Variants in METTL15 observed in about 807,000 individuals in gnomAD.
METTL15 encodes the protein 12S rRNA N(4)-cytidine methyltransferase METTL15.
METTL15 carries 34 observed loss-of-function variants against 38.3 expected under a neutral mutation model. The observed-to-expected ratio is 0.89, with a 90% confidence interval of 0.68 to 1.18. The LOEUF (loss-of-function observed/expected upper bound fraction) is 1.18. METTL15 is among the 50% of genes most tolerant of loss of function. The pLI, the probability that METTL15 is intolerant of heterozygous loss-of-function variation, is 0.00. For synonymous variants in METTL15, 162 were observed against 170.9 expected (o/e 0.95, Z 0.41); for missense variants, 438 against 498.4 (o/e 0.88, Z 1.15).
intron 3 of METTL15, among the ~76,000 whole-genome samples, chr11:28,122,420 A>G (rs1376609390): frequency 6.6e-6 from 1 of 150,858 alleles, no homozygotes; most frequent in African/African-American, 2.4e-5. Flanking sequence ...AGTTATGCCT[A>G]AAGTGTTACT....
chr11:28,194,599 AT>A (rs913544799), intron 3 of METTL15, among the ~76,000 whole-genome samples: 2 of 152,070 alleles, frequency 1.3e-5, no homozygotes, highest in African/African-American at 4.8e-5. Context: ...AGACAAATAC[AT>A]TTTTTAATAA....
chr11:28,126,651 A>G (rs1343574691), intron 3 of METTL15, among the ~76,000 whole-genome samples: 4 of 152,090 alleles, frequency 2.6e-5, no homozygotes, highest in East Asian at 3.9e-4. Flanking sequence ...TGAAAATTAA[A>G]CCATTCTCTT....
rs577033069 is a variant in METTL15 at position 28,487,784 on chromosome 11, C to A, written c.*425-38694C>A. ...TATTTCTTCTCTCAGACACTAGCTC[C>A]TTTCCTTGGCCATCTGTGGCACTAC... On this transcript the variant is annotated intron_variant and NMD_transcript_variant, in intron 6 of 7. Transcript: ENST00000532947. Among the ~76,000 whole-genome samples the A allele has an allele frequency of 2.0e-5, 3 of 152,304 alleles. No individual in the cohort carries two copies. In the South Asian group the frequency reaches 6.2e-4, roughly 32 times the overall value.
intron 5 of METTL15, among the ~76,000 whole-genome samples, chr11:28,292,999 G>C (rs1856582090): frequency 6.6e-6 from 1 of 152,114 alleles, no homozygotes; most frequent in Non-Finnish European, 1.5e-5. Context: ...CTGCCATTCT[G>C]TAGGTTGCCT....
chr11:28,182,051 G>T (rs1341922603), intron 3 of METTL15, among the ~76,000 whole-genome samples: 1 of 152,104 alleles, frequency 6.6e-6, no homozygotes, highest in Non-Finnish European at 1.5e-5. Context: ...CTGCATAAAT[G>T]TCTTCTCTTG....
At chr11:28,368,700 C>A (rs1850213217) in intron 5 of METTL15, among the ~76,000 whole-genome samples, 1 of 152,108 alleles carries the variant, frequency 6.6e-6, no homozygotes, top group African/African-American at 2.4e-5. Flanking sequence ...GATGCATGCA[C>A]ACGTATGTTT....
intron 6 of METTL15, among the ~76,000 whole-genome samples, chr11:28,425,938 T>C (rs995596661): frequency 9.2e-5 from 14 of 152,148 alleles, no homozygotes; most frequent in African/African-American, 3.4e-4. Context: ...CTTTGGGCAA[T>C]TTATTTATTT....
chr11:28,283,890 T>A (rs77244592), intron 4 of METTL15, among the ~76,000 whole-genome samples: 1 of 152,002 alleles, frequency 6.6e-6, no homozygotes, highest in East Asian at 1.9e-4. Context: ...GCAAAAATAC[T>A]GAAAATTAAA....
intron 5 of METTL15, among the ~76,000 whole-genome samples, chr11:28,378,778 T>TTTG (rs1171352695): frequency 6.6e-6 from 1 of 150,938 alleles, no homozygotes; most frequent in Non-Finnish European, 1.5e-5. Context: ...TTTTTTTTTT[T>TTTG]TGAAGATTTT....
chr11:28,186,370 A>AT (rs1183628007), intron 3 of METTL15, among the ~76,000 whole-genome samples: 1 of 151,272 alleles, frequency 6.6e-6, no homozygotes, highest in Non-Finnish European at 1.5e-5. Context: ...ACAAAAAATG[A>AT]TTTTATGTCT....
intron 5 of METTL15, among the ~76,000 whole-genome samples, chr11:28,390,088 T>C (rs1210462741): frequency 6.6e-6 from 1 of 151,410 alleles, no homozygotes; most frequent in African/African-American, 2.4e-5. Flanking sequence ...TGTTTTTTTC[T>C]TGTAAATTTG....
chr11:28,391,068 T>C (rs1209487944), intron 5 of METTL15, among the ~76,000 whole-genome samples: 24 of 152,142 alleles, frequency 1.6e-4, no homozygotes, highest in Non-Finnish European at 3.2e-4. Flanking sequence ...GTGATTTTTG[T>C]ACATTGATTT....
intron 5 of METTL15, among the ~76,000 whole-genome samples, chr11:28,384,202 A>G (rs1238249066): frequency 2.0e-5 from 3 of 151,908 alleles, no homozygotes; most frequent in African/African-American, 7.3e-5. Flanking sequence ...TCTTTATTCA[A>G]TCCACCATTA....
chr11:28,432,593 T>G (rs1039726555), intron 6 of METTL15, among the ~76,000 whole-genome samples: 3 of 152,240 alleles, frequency 2.0e-5, no homozygotes, highest in Non-Finnish European at 4.4e-5. Context: ...AAATCTAAGT[T>G]TGTACCTCTC....
At position 28,126,220 on chromosome 11, in the gene METTL15, C is replaced by G. The variant is rs142104005; in HGVS notation, c.270+12616C>G. ...TTCAGGGATGCCTTCCCTGGCCACCCTGTCTGAAATTTCAACTACCATCTT... is the reference window on the plus strand; with the variant it reads ...TTCAGGGATGCCTTCCCTGGCCACCGTGTCTGAAATTTCAACTACCATCTT... On this transcript the variant is annotated intron_variant, in intron 3 of 6. Coordinates refer to ENST00000407364, the MANE Select transcript of METTL15 (RefSeq NM_001113528.2). 8.9e-3 allele frequency among the ~76,000 whole-genome samples: 1,359 copies of G among 152,234 alleles called. 25 individuals are homozygous for G. The highest frequency in any genetic ancestry group is 0.01 in the Non-Finnish European group (692 of 68,000).
intron 3 of METTL15, among the ~76,000 whole-genome samples, chr11:28,122,567 T>C (rs2133610080): frequency 6.6e-6 from 1 of 151,642 alleles, no homozygotes; most frequent in South Asian, 2.1e-4. Flanking sequence ...TATATATATG[T>C]ATATAGGTGT....
chr11:28,289,822 A>G (rs1237265024), intron 4 of METTL15, among the ~76,000 whole-genome samples: 1 of 152,148 alleles, frequency 6.6e-6, no homozygotes, highest in Non-Finnish European at 1.5e-5. Context: ...GTTGTATTTA[A>G]ATTGGCTTAC....
intron 3 of METTL15, among the ~76,000 whole-genome samples, chr11:28,126,765 T>C (rs1355110401): frequency 6.6e-6 from 1 of 152,100 alleles, no homozygotes. Flanking sequence ...TCTTAGCCCT[T>C]AAGGAGCTTA....
At chr11:28,441,056 C>T (rs1474950032) in intron 6 of METTL15, among the ~76,000 whole-genome samples, 1 of 57,138 alleles carries the variant, frequency 1.8e-5, no homozygotes, top group African/African-American at 5.2e-5. Context: ...ACTTATGACA[C>T]TACTTTTTTT....
Sources: gnomAD v4.1 joint callset for allele counts (sites outside exome capture counted in the v4.1 genomes callset) on GRCh38, gnomAD v4.1.1 for gene constraint, MANE v1.5 for transcripts, NCBI Gene and HGNC (gene_info 2026-07-23, HGNC 2026-07-21) for gene names.